The following TFPI variants were observed in gnomAD, a reference collection of about 807,000 sequenced individuals.
TFPI encodes anti-convertin.
TFPI carries 15 observed loss-of-function variants against 34.6 expected under a neutral mutation model. The observed-to-expected ratio is 0.43, with a 90% CI of 0.29 to 0.67. The LOEUF (loss-of-function observed/expected upper bound fraction) is 0.67. TFPI is among the 30% of genes least tolerant of loss of function. The pLI, the probability that TFPI is intolerant of heterozygous loss-of-function variation, is 0.15. For synonymous variants in TFPI, 105 were observed against 120.1 expected, an observed-to-expected ratio of 0.87 and a Z score of 0.82; for missense variants, 301 against 364.0, an observed-to-expected ratio of 0.83 and a Z score of 1.41.
At chr2:187,507,937 G>A (rs550051503) in intron 1 of TFPI, among the ~76,000 whole-genome samples, 3 of 152,202 alleles carry the variant, frequency 2.0e-5, no homozygotes, top group Admixed American at 6.5e-5. Flanking sequence ...GGTTTTTATG[G>A]TTTTAGGTCT....
Position 187,484,187 on chromosome 2 carries a change from T to A in TFPI, c.565A>T (p.Thr189Ser). ...PNGFQVDNYG[T>S]QLNAVNNSLT... ...GAGTTATTCACAGCATTGAGCTGGG[T>A]TCCATAATTATCCACCTGGAAACCA... The change falls in exon 6 of 8, where the codon ACC becomes TCC. Residue 189 changes from threonine (T) to serine (S), a missense_variant. Physicochemically the swap from Thr to Ser is moderately conservative, Grantham distance 58. Coordinates refer to ENST00000233156, the MANE Select transcript of TFPI (RefSeq NM_006287.6). 1 of 1,612,194 alleles carries A rather than the reference T, an allele frequency of 6.2e-7. No homozygotes were observed. Among genetic ancestry groups the A allele is most frequent in the Non-Finnish European group, 8.5e-7 (1 of 1,178,766 alleles).
chr2:187,498,094 G>A (rs1294401422), intron 2 of TFPI, among the ~76,000 whole-genome samples: 1 of 151,616 alleles, frequency 6.6e-6, no homozygotes, highest in African/African-American at 2.4e-5. Flanking sequence ...GAATTAAACA[G>A]ATGAGTATAA....
intron 1 of TFPI, among the ~76,000 whole-genome samples, chr2:187,549,122 G>C (rs1291662629): frequency 6.6e-6 from 1 of 151,978 alleles, no homozygotes; most frequent in Admixed American, 6.6e-5. Flanking sequence ...AGACATATAA[G>C]ATCTTGAATA....
At chr2:187,514,975 C>T (rs1406866104) in intron 1 of TFPI, 1 of 152,222 alleles carries the variant, frequency 6.6e-6, no homozygotes, top group Non-Finnish European at 1.5e-5. Flanking sequence ...AAAAGAAAAA[C>T]TCATGTCGGC....
intron 6 of TFPI, among the ~76,000 whole-genome samples, chr2:187,482,618 T>G (rs1692955646): frequency 6.6e-6 from 1 of 152,052 alleles, no homozygotes; most frequent in Non-Finnish European, 1.5e-5. Context: ...ACCTCTTAAG[T>G]GTTAATTGCA....
intron 1 of TFPI, chr2:187,518,589 A>G (rs969574342): frequency 6.6e-6 from 1 of 151,864 alleles, no homozygotes; most frequent in African/African-American, 2.4e-5. Context: ...CTTTATTTCA[A>G]CTTTGGTGAA....
chr2:187,551,195 A>G (rs1689084362), intron 1 of TFPI, among the ~76,000 whole-genome samples: 1 of 152,098 alleles, frequency 6.6e-6, no homozygotes, highest in African/African-American at 2.4e-5. Context: ...TCCTTGCAAT[A>G]ATTCCAAGTC....
At chr2:187,501,848 G>T (rs558994415) in intron 2 of TFPI, among the ~76,000 whole-genome samples, 1 of 151,664 alleles carries the variant, frequency 6.6e-6, no homozygotes, top group African/African-American at 2.4e-5. Flanking sequence ...TTATCTAGAC[G>T]TTAATTCTAG....
At position 187,464,437 on chromosome 2, in the gene TFPI, A is replaced by C. The variant is rs1036569080; in HGVS notation, c.*2499T>G. 3 of 152,176 alleles carry C rather than the reference A, an allele frequency of 2.0e-5. No homozygotes were observed. Among genetic ancestry groups the C allele is most frequent in the African/African-American group, 7.2e-5 (3 of 41,452 alleles). The allele number at this position is 152,176 out of a possible 1,614,324, so 9.4% of individuals were successfully genotyped here. Reference sequence around the variant, plus strand: ...AATAAAGGAAGACAATAACATCAAGATCTTTTTCCAAAACACGGTAAAAAT... The same window carrying C: ...AATAAAGGAAGACAATAACATCAAGCTCTTTTTCCAAAACACGGTAAAAAT... On this transcript the variant is annotated 3_prime_UTR_variant, in exon 8 of 8. Transcript: ENST00000233156.
chr2:187,495,514 T>C (rs1685417479), intron 3 of TFPI, among the ~76,000 whole-genome samples: 1 of 152,172 alleles, frequency 6.6e-6, no homozygotes, highest in Non-Finnish European at 1.5e-5. Context: ...CTAGGGCATC[T>C]ATGGAGAGGA....
intron 3 of TFPI, 136 bp from the exon 4 acceptor site, chr2:187,488,511 G>T: frequency 2.0e-6 from 1 of 503,848 alleles, no homozygotes; most frequent in South Asian, 6.0e-5. Flanking sequence ...AATAAAAATT[G>T]AATTTCTTTT....
chr2:187,491,721 T>C (rs778675279), intron 3 of TFPI, among the ~76,000 whole-genome samples: 9 of 152,110 alleles, frequency 5.9e-5, no homozygotes, highest in Non-Finnish European at 8.8e-5. Context: ...AGACAGCCAG[T>C]AGTGGGATTG....
At chr2:187,542,866 C>CA (rs11393601) in intron 1 of TFPI, among the ~76,000 whole-genome samples, 89,441 of 121,654 alleles carry the variant, frequency 0.74, 32,552 homozygotes, top group Middle Eastern at 0.85. Context: ...GACTTAGTCT[C>CA]AAAAAAAAAA....
chr2:187,522,364 A>C (rs1336894366), intron 1 of TFPI, among the ~76,000 whole-genome samples: 1 of 152,122 alleles, frequency 6.6e-6, no homozygotes, highest in Non-Finnish European at 1.5e-5. Context: ...TTAAACTGAT[A>C]GAAGAAGAGA....
At chr2:187,479,326 A>G (rs1559102015) in intron 6 of TFPI, among the ~76,000 whole-genome samples, 1 of 151,844 alleles carries the variant, frequency 6.6e-6, no homozygotes, top group African/African-American at 2.4e-5. Context: ...AAGGTCATGT[A>G]TAATTTGTTA....
Position 187,464,349 on chromosome 2 carries a change from A to G in TFPI, c.*2587T>C, listed in dbSNP as rs1691618587. 1 of 152,234 alleles carries G rather than the reference A, an allele frequency of 6.6e-6. No homozygotes were observed. The highest frequency in any genetic ancestry group is 1.5e-5 in the Non-Finnish European group (1 of 68,040). 9.4% of individuals were successfully genotyped at this position (152,234 alleles called of 1,614,324 possible). On this transcript the variant is annotated 3_prime_UTR_variant, in exon 8 of 8. Transcript: ENST00000233156. ...GAGAATGAACAAAGCAGGTAAATAT[A>G]TGTATATGCTGAATAATGTAATTCC... is the stretch of plus-strand genomic sequence containing the variant.
At chr2:187,537,310 G>A (rs536894379) in intron 1 of TFPI, among the ~76,000 whole-genome samples, 2 of 152,206 alleles carry the variant, frequency 1.3e-5, no homozygotes, top group South Asian at 4.1e-4. Flanking sequence ...AACAAAGCTG[G>A]AGGCATCACG....
chr2:187,548,297 T>G (rs1262598093), intron 1 of TFPI, among the ~76,000 whole-genome samples: 2 of 152,152 alleles, frequency 1.3e-5, no homozygotes, highest in Non-Finnish European at 2.9e-5. Context: ...CCTCCCCATG[T>G]GAAGTTTTAT....
At chr2:187,522,600 A>C (rs1687441209) in intron 1 of TFPI, among the ~76,000 whole-genome samples, 1 of 151,592 alleles carries the variant, frequency 6.6e-6, no homozygotes, top group Non-Finnish European at 1.5e-5. Flanking sequence ...ACAAAATAAA[A>C]AGGCGGGGTG....
Sources: gnomAD v4.1 joint callset for allele counts (sites outside exome capture counted in the v4.1 genomes callset) on GRCh38, gnomAD v4.1.1 for gene constraint, MANE v1.5 for transcripts, NCBI Gene and HGNC (gene_info 2026-07-23, HGNC 2026-07-21) for gene names.